The following SHANK2 variants were observed in gnomAD, a reference collection of about 807,000 sequenced individuals.
SHANK2 encodes the protein SH3 and multiple ankyrin repeat domains 2, also known as SH3 and multiple ankyrin repeat domains protein 2.
A neutral mutation model predicts 133.7 loss-of-function variants in SHANK2; 43 were observed. The ratio of observed to expected loss-of-function variants is 0.32; its 90% CI spans 0.25 to 0.41. SHANK2 has a LOEUF of 0.41. SHANK2 is among the 10% of genes least tolerant of loss of function. The pLI, the probability that SHANK2 is intolerant of heterozygous loss-of-function variation, is 1.00. For synonymous variants in SHANK2, 1,017 were observed against 952.8 expected (o/e 1.07, Z -1.24); for missense variants, 1,994 against 2,235.8 (o/e 0.89, Z 2.18).
chr11:71,132,483 C>G (rs534006733), intron 3 of SHANK2, among the ~76,000 whole-genome samples: 1 of 152,252 alleles, frequency 6.6e-6, no homozygotes, highest in African/African-American at 2.4e-5. Context: ...AGTCACTTTT[C>G]CCGTACATTG....
chr11:70,751,931 C>CA (rs1284860835), intron 14 of SHANK2, among the ~76,000 whole-genome samples: 5 of 150,824 alleles, frequency 3.3e-5, no homozygotes, highest in Admixed American at 1.3e-4. Context: ...AATAATAATC[C>CA]AAAAATTATC....
intron 17 of SHANK2, among the ~76,000 whole-genome samples, chr11:70,520,940 C>T (rs933337285): frequency 1.3e-5 from 2 of 152,206 alleles, no homozygotes; most frequent in Admixed American, 6.5e-5. Context: ...TCCGGTTCTA[C>T]AGGATGCTCT....
At chr11:70,582,307 A>T (rs1554985664) in intron 17 of SHANK2, among the ~76,000 whole-genome samples, 1 of 152,252 alleles carries the variant, frequency 6.6e-6, no homozygotes, top group African/African-American at 2.4e-5. Flanking sequence ...CGCTAACTCT[A>T]CTACTGCTGA....
intron 12 of SHANK2, among the ~76,000 whole-genome samples, chr11:70,814,537 C>A (rs1196885660): frequency 1.3e-5 from 2 of 152,202 alleles, no homozygotes; most frequent in African/African-American, 4.8e-5. Flanking sequence ...GCCCCTTCTG[C>A]CCATTTCATC....
intron 6 of SHANK2, among the ~76,000 whole-genome samples, chr11:71,108,937 G>A (rs930116724): frequency 6.6e-6 from 1 of 150,802 alleles, no homozygotes; most frequent in Non-Finnish European, 1.5e-5. Context: ...CACCCAGCGG[G>A]CCCCCCCCCA....
chr11:70,657,119 C>A lies in SHANK2; in HGVS notation c.2061+2709G>T, dbSNP rs572390531. ...GCATTTTTAAAGAGAAAATAAAAATCTGTCACACTTTCGAGGTTCTTTCAA... is the reference window on the plus strand; with the variant it reads ...GCATTTTTAAAGAGAAAATAAAAATATGTCACACTTTCGAGGTTCTTTCAA... On this transcript the variant is annotated intron_variant, in intron 17 of 25. Transcript: ENST00000601538. Among the ~76,000 whole-genome samples the A allele has an allele frequency of 2.0e-5, 3 of 152,318 alleles. No individual in the cohort carries two copies. In the East Asian group the frequency reaches 5.8e-4, roughly 29 times the overall value.
chr11:70,575,518 C>CAAAA lies in SHANK2; in HGVS notation c.2062-72591_2062-72588dup, dbSNP rs71049923. Reference sequence around the variant, plus strand: ...AGGGCAACAAATTGAGACTCTGCCTCAAAAAAAAAAGAAAGTACAAAGGCC... The same window carrying CAAAA: ...AGGGCAACAAATTGAGACTCTGCCTCAAAAAAAAAAAAAAGAAAGTACAAAGGCC... On this transcript the variant is annotated intron_variant, in intron 17 of 25. Coordinates refer to ENST00000601538, the MANE Select transcript of SHANK2 (RefSeq NM_012309.5). Among the ~76,000 whole-genome samples, 232 of 139,554 alleles carry CAAAA rather than the reference C, an allele frequency of 1.7e-3. 1 individual carries two copies. Among genetic ancestry groups the CAAAA allele is most frequent in the Middle Eastern group, 7.3e-3 (2 of 274 alleles). The allele number at this position is 139,554 out of a possible 152,430, so 91.6% of individuals were successfully genotyped here.
At chr11:70,562,983 T>C (rs1554981170) in intron 17 of SHANK2, among the ~76,000 whole-genome samples, 2 of 152,184 alleles carry the variant, frequency 1.3e-5, no homozygotes, top group Non-Finnish European at 2.9e-5. Flanking sequence ...GCGATTCTCC[T>C]GCCTCAGCCT....
At chr11:70,545,443 G>T (rs573726137) in intron 17 of SHANK2, among the ~76,000 whole-genome samples, 2 of 152,086 alleles carry the variant, frequency 1.3e-5, no homozygotes, top group African/African-American at 4.8e-5. Flanking sequence ...CCGAGCCACC[G>T]CACGCTCTCT....
rs140469148 is a variant in SHANK2, at chr11:70,764,129, G to C, written c.1777+34314C>G. ...ACCCACCCACCCACCCACACATCAAGCCTTCCTTTATCTCTTCCTTCCCCT... is the reference window on the plus strand; with the variant it reads ...ACCCACCCACCCACCCACACATCAACCCTTCCTTTATCTCTTCCTTCCCCT... On this transcript the variant is annotated intron_variant, in intron 14 of 25. Coordinates refer to ENST00000601538, the MANE Select transcript of SHANK2 (RefSeq NM_012309.5). Among the ~76,000 whole-genome samples, 525 of 59,286 alleles carry C rather than the reference G, an allele frequency of 8.9e-3. 5 individuals are homozygous for C. Among genetic ancestry groups the C allele is most frequent in the African/African-American group, 0.031 (500 of 16,070 alleles). 38.9% of individuals were successfully genotyped at this position (59,286 alleles called of 152,430 possible).
chr11:70,627,559 C>A (rs894038022), intron 17 of SHANK2, among the ~76,000 whole-genome samples: 13 of 152,192 alleles, frequency 8.5e-5, no homozygotes, highest in Non-Finnish European at 1.0e-4. Context: ...TAGCCCTTAT[C>A]CTAAACGCTT....
At chr11:71,095,331 C>G (rs1951589925) in intron 6 of SHANK2, among the ~76,000 whole-genome samples, 1 of 152,252 alleles carries the variant, frequency 6.6e-6, no homozygotes, top group African/African-American at 2.4e-5. Flanking sequence ...CTGGACCAGT[C>G]TGCAGATGAG....
chr11:70,943,283 T>A (rs1365235419), intron 10 of SHANK2, among the ~76,000 whole-genome samples: 1 of 152,148 alleles, frequency 6.6e-6, no homozygotes, highest in African/African-American at 2.4e-5. Flanking sequence ...AAGGCACTTC[T>A]TAGATAAACT....
chr11:71,063,900 G>A (rs1029895690), intron 9 of SHANK2, among the ~76,000 whole-genome samples: 22 of 152,202 alleles, frequency 1.4e-4, no homozygotes, highest in African/African-American at 4.8e-4. Flanking sequence ...TGTGCCCGCT[G>A]AGAACACAGT....
Position 70,661,697 on chromosome 11 carries a change from G to T in SHANK2, c.1854-19C>A. ...GCAGTCACTGTAGAGAGAATTCCGG[G>T]GACAGCGACCATTATTGTAGCCCGT... On this transcript the variant is annotated intron_variant, in intron 15 of 25. Transcript: ENST00000601538. 1 of 1,614,066 alleles carries T rather than the reference G, an allele frequency of 6.2e-7. No individual in the cohort carries two copies. Among genetic ancestry groups the T allele is most frequent in the Non-Finnish European group, 8.5e-7 (1 of 1,180,030 alleles).
intron 10 of SHANK2, among the ~76,000 whole-genome samples, chr11:70,921,280 A>G (rs1950348045): frequency 6.6e-6 from 1 of 152,252 alleles, no homozygotes; most frequent in Admixed American, 6.5e-5. Flanking sequence ...AGGTTTGGAA[A>G]GAGGACAGCT....
chr11:71,108,041 G>C lies in SHANK2; in HGVS notation c.592+1900C>G, dbSNP rs556272123. On this transcript the variant is annotated intron_variant, in intron 6 of 25. Transcript: ENST00000601538. ...AGACATAAGTGGCTCTGCCAGGGTG[G>C]TGAGAGCCACGGCCAAAGGCTGCCT... is the stretch of plus-strand genomic sequence containing the variant. Among the ~76,000 whole-genome samples the C allele has an allele frequency of 3.9e-5, 6 of 152,346 alleles. No individual in the cohort carries two copies. In the East Asian group the frequency reaches 1.2e-3, roughly 29 times the overall value.
chr11:70,590,789 C>T (rs1391237637), intron 17 of SHANK2, among the ~76,000 whole-genome samples: 3 of 151,518 alleles, frequency 2.0e-5, no homozygotes, highest in Non-Finnish European at 4.4e-5. Flanking sequence ...AAAAAGTGTG[C>T]ATCTCGCTTT....
chr11:71,167,404 G>A lies in SHANK2; in HGVS notation c.-12-20066C>T, dbSNP rs1261751287. ...CACCTCCCGGACAGGGCGGCTGGCC[G>A]GGCGGGGGGCTGACCCCCCCCACCT... On this transcript the variant is annotated intron_variant, in intron 2 of 25. Transcript: ENST00000601538. Among the ~76,000 whole-genome samples the A allele has an allele frequency of 8.7e-5, 13 of 149,110 alleles. No homozygotes were observed. In the South Asian group the frequency reaches 1.5e-3, roughly 17 times the overall value.
Sources: gnomAD v4.1 joint callset for allele counts (sites outside exome capture counted in the v4.1 genomes callset) on GRCh38, gnomAD v4.1.1 for gene constraint, MANE v1.5 for transcripts, NCBI Gene and HGNC (gene_info 2026-07-23, HGNC 2026-07-21) for gene names.